The following DYNLT4 variants were observed in gnomAD, a reference collection of about 807,000 sequenced individuals.
The protein encoded by DYNLT4 is dynein light chain Tctex-type 4.
DYNLT4 carries 3 observed loss-of-function variants against 1.5 expected under a neutral mutation model. That is an observed-to-expected ratio of 1.97 (90% CI 0.90 to 5.08). The LOEUF is 5.08. Among genes scored for constraint, DYNLT4 ranks in the 30% most tolerant of loss-of-function variants. The pLI, the probability that DYNLT4 is intolerant of heterozygous loss-of-function variation, is 0.02. For missense variants in DYNLT4, 346 were observed against 341.0 expected (o/e 1.01, Z -0.12); for synonymous variants, 181 against 160.0 (o/e 1.13, Z -0.99).
At position 44,806,120 on chromosome 1, in the gene DYNLT4, G is replaced by T. The variant is rs1218992827; in HGVS notation, c.549C>A (p.Gly183=). Residue 183 remains glycine, a synonymous_variant, in exon 3 of 3, where the codon GGC becomes GGA. Coordinates refer to ENST00000339355, the MANE Select transcript of DYNLT4 (RefSeq NM_001377534.1). ...AGAGCGCACGGCTGACCACGTGAAC[G>T]CCCTGGCCCGCGCGCGGCCCCAGCA... ...SVVLGPRAGQ[G]VHVVSRALWD... 2 of 1,604,692 alleles carry T rather than the reference G, an allele frequency of 1.2e-6. No homozygotes were observed. The highest frequency in any genetic ancestry group is 1.7e-5 in the Admixed American group (1 of 58,782).
intron 1 of DYNLT4, 43 bp from the exon 2 acceptor site, chr1:44,806,881 G>C (rs935639193): frequency 2.2e-5 from 22 of 985,446 alleles, no homozygotes; most frequent in Non-Finnish European, 2.7e-5. Flanking sequence ...CAGGGGACAG[G>C]AGGCTGCTAG....
At chr1:44,807,298 C>G (rs1005634015) in intron 1 of DYNLT4, among the ~76,000 whole-genome samples, 27 bp downstream of exon 1, 1 of 152,236 alleles carries the variant, frequency 6.6e-6, no homozygotes, top group African/African-American at 2.4e-5. Context: ...GATGGCTGCC[C>G]TCTGCTCCCG....
In DYNLT4 at chr1:44,806,364, CG is replaced by C; in HGVS notation, c.304del (p.Arg102ValfsTer156). On this transcript the variant is annotated frameshift_variant, in exon 3 of 3. Coordinates refer to ENST00000339355, the MANE Select transcript of DYNLT4 (RefSeq NM_001377534.1). LOFTEE classifies it low-confidence loss of function (END_TRUNC). ...SFSGLPLAPA[R>X]WVAPSYRTEP... ...CGTGCGGTAGGAGGGCGCCACCCAA[CG>C]GGCGGGCGCCAGGGGCAACCCTGAG... 6.6e-7 allele frequency: 1 copy of C among 1,522,130 alleles called. No individual in the cohort carries two copies. The highest frequency in any genetic ancestry group is 8.8e-7 in the Non-Finnish European group (1 of 1,141,076). The allele number at this position is 1,522,130 out of a possible 1,614,324, so 94.3% of individuals were successfully genotyped here.
rs1652107559 is a variant in DYNLT4, at chr1:44,806,586, G to A, written c.83C>T (p.Pro28Leu). Reference sequence around the variant, plus strand: ...ATCAATGCTGGGCAGGCAGCCTCGGGGCCGCACCGGTGAGGGTTTCCGCCC... The same window carrying A: ...ATCAATGCTGGGCAGGCAGCCTCGGAGCCGCACCGGTGAGGGTTTCCGCCC... ...DSGRKPSPVR[P>L]RGCLPSIDEA... The change falls in exon 3 of 3, where the codon CCC (proline) becomes CTC (leucine). Residue 28 changes from proline (P) to leucine (L), a missense_variant. Pro to Leu is a moderately conservative substitution (Grantham distance 98). Coordinates refer to ENST00000339355, the MANE Select transcript of DYNLT4 (RefSeq NM_001377534.1). The A allele has an allele frequency of 1.1e-5, 16 of 1,491,056 alleles. No individual in the cohort carries two copies. Among genetic ancestry groups the A allele is most frequent in the Non-Finnish European group, 1.4e-5 (16 of 1,123,052 alleles). The allele number at this position is 1,491,056 out of a possible 1,614,324, so 92.4% of individuals were successfully genotyped here. A position where few individuals can be genotyped will look rare whatever the true frequency, so the allele number is the denominator to read the frequency against.
rs1162249626 is a variant in DYNLT4 at position 44,805,950 on chromosome 1, CA to C, written c.*52del. The C allele has an allele frequency of 2.0e-6, 3 of 1,507,610 alleles. No homozygotes were observed. Among genetic ancestry groups the C allele is most frequent in the Non-Finnish European group, 8.9e-7 (1 of 1,128,368 alleles). 93.4% of individuals were successfully genotyped at this position (1,507,610 alleles called of 1,614,324 possible). Reference sequence around the variant, plus strand: ...CACTTATTTATTGGGATGTGAGCCCCAGGGGGGCCTCCTCCTAGGATAATAA... The same window carrying C: ...CACTTATTTATTGGGATGTGAGCCCCGGGGGGCCTCCTCCTAGGATAATAA... On this transcript the variant is annotated 3_prime_UTR_variant, in exon 3 of 3. Transcript: ENST00000339355.
Position 44,806,404 on chromosome 1 carries a change from A to G in DYNLT4, c.265T>C (p.Ser89Pro), listed in dbSNP as rs1161779090. 2 of 1,524,514 alleles carry G rather than the reference A, an allele frequency of 1.3e-6. No individual in the cohort carries two copies. The highest frequency in any genetic ancestry group is 8.8e-7 in the Non-Finnish European group (1 of 1,141,946). The allele number at this position is 1,524,514 out of a possible 1,614,324, so 94.4% of individuals were successfully genotyped here. A position where few individuals can be genotyped will look rare whatever the true frequency, so the allele number is the denominator to read the frequency against. The change falls in exon 3 of 3, where the codon TCA becomes CCA. Residue 89 changes from serine (S) to proline (P), a missense_variant. By Grantham distance (74) the Ser-to-Pro change is moderately conservative (BLOSUM62 -1). Transcript: ENST00000339355. ...PSLGPVPPLG[S>P]RVSFSGLPLA... The stretch of plus-strand genomic sequence containing the variant: ...GGCAACCCTGAGAAGCTGACCCTTG[A>G]GCCCAGAGGGGGCACCGGGCCCAGG...
Position 44,806,645 on chromosome 1 carries a change from C to CG in DYNLT4, c.23dup (p.Arg10ThrfsTer27), listed in dbSNP as rs1652113270. ...TGGCATTCTCCTCCTCCTGGCGTCCCGGGGGCAGAGGCCTGCTGGCCATGG... is the reference window on the plus strand; with the variant it reads ...TGGCATTCTCCTCCTCCTGGCGTCCCGGGGGGCAGAGGCCTGCTGGCCATGG... On this transcript the variant is annotated frameshift_variant, in exon 3 of 3. Coordinates refer to ENST00000339355, the MANE Select transcript of DYNLT4 (RefSeq NM_001377534.1). LOFTEE classifies it low-confidence loss of function (END_TRUNC). 3 of 1,466,194 alleles carry CG rather than the reference C, an allele frequency of 2.0e-6. No individual in the cohort carries two copies. Among genetic ancestry groups the CG allele is most frequent in the South Asian group, 2.9e-5 (2 of 69,488 alleles). The allele number at this position is 1,466,194 out of a possible 1,614,324, so 90.8% of individuals were successfully genotyped here. A position where few individuals can be genotyped will look rare whatever the true frequency, so the allele number is the denominator to read the frequency against.
In DYNLT4 at chr1:44,806,442, C is replaced by A; in HGVS notation, c.227G>T (p.Gly76Val). Residue 76 changes from glycine to valine, a missense_variant, in exon 3 of 3, where the codon GGT (glycine) becomes GTT (valine). Physicochemically the swap from Gly to Val is moderately radical, Grantham distance 109. Transcript: ENST00000339355. ...CACCGGGCCCAGGGATGGCCGCTGA[C>A]CCCCAGGACCCGCGCCTGGCCCGAC... The part of the protein sequence containing the change: ...SLVGPGAGPG[G>V]QRPSLGPVPP... The A allele has an allele frequency of 2.0e-6, 3 of 1,523,736 alleles. No homozygotes were observed. Among genetic ancestry groups the A allele is most frequent in the South Asian group, 1.2e-5 (1 of 82,826 alleles). 94.4% of individuals were successfully genotyped at this position (1,523,736 alleles called of 1,614,324 possible). A position where few individuals can be genotyped will look rare whatever the true frequency, so the allele number is the denominator to read the frequency against.
chr1:44,806,225 C>T lies in DYNLT4; in HGVS notation c.444G>A (p.Leu148=), dbSNP rs1175941444. The T allele has an allele frequency of 6.5e-7, 1 of 1,534,754 alleles. No individual in the cohort carries two copies. Among genetic ancestry groups the T allele is most frequent in the East Asian group, 2.4e-5 (1 of 40,828 alleles). ...ACYSSDEAAR[L]VRELCEQVHV... ...GCACCTGCTCGCAGAGCTCCCGCAC[C>T]AGCCGCGCGGCCTCGTCGCTGGAGT... Residue 148 remains leucine, a synonymous_variant, in exon 3 of 3, where the codon CTG becomes CTA. Coordinates refer to ENST00000339355, the MANE Select transcript of DYNLT4 (RefSeq NM_001377534.1).
Position 44,806,171 on chromosome 1 carries a change from T to C in DYNLT4, c.498A>G (p.Pro166=). ...CCACACTGCATACCAGCTTGTAGCGTGGCGGGCTGAGCTCGCGCAGGCGAA... is the reference window on the plus strand; with the variant it reads ...CCACACTGCATACCAGCTTGTAGCGCGGCGGGCTGAGCTCGCGCAGGCGAA... ...VHVRLRELSP[P]RYKLVCSVVL... Residue 166 remains proline, a synonymous_variant, in exon 3 of 3, where the codon CCA becomes CCG. Transcript: ENST00000339355. 1 of 1,571,208 alleles carries C rather than the reference T, an allele frequency of 6.4e-7. No homozygotes were observed. Among genetic ancestry groups the C allele is most frequent in the Admixed American group, 1.9e-5 (1 of 53,524 alleles).
Position 44,806,261 on chromosome 1 carries a change from G to T in DYNLT4, c.408C>A (p.His136Gln). 6.6e-7 allele frequency: 1 copy of T among 1,510,092 alleles called. No homozygotes were observed. Among genetic ancestry groups the T allele is most frequent in the South Asian group, 1.2e-5 (1 of 81,102 alleles). The allele number at this position is 1,510,092 out of a possible 1,614,324, so 93.5% of individuals were successfully genotyped here. ...ALEAALAAGL[H>Q]DACYSSDEAA... Reference sequence around the variant, plus strand: ...CCTCGTCGCTGGAGTAGCACGCGTCGTGCAGCCCTGCGGCCAGCGCCGCCT... The same window carrying T: ...CCTCGTCGCTGGAGTAGCACGCGTCTTGCAGCCCTGCGGCCAGCGCCGCCT... Residue 136 changes from histidine to glutamine, a missense_variant, in exon 3 of 3, where the codon CAC (histidine) becomes CAA (glutamine). Transcript: ENST00000339355.
chr1:44,806,104 G>T lies in DYNLT4; in HGVS notation c.565C>A (p.Arg189Ser). Reference protein sequence around the residue: ...RAGQGVHVVSRALWDVARDGL... With the variant: ...RAGQGVHVVSSALWDVARDGL... ...TCGCGCGCCACGTCCCAGAGCGCACGGCTGACCACGTGAACGCCCTGGCCC... is the reference window on the plus strand; with the variant it reads ...TCGCGCGCCACGTCCCAGAGCGCACTGCTGACCACGTGAACGCCCTGGCCC... The change falls in exon 3 of 3, where the codon CGT (arginine) becomes AGT (serine). Residue 189 changes from arginine to serine, a missense_variant. Physicochemically the swap from Arg to Ser is moderately radical, Grantham distance 110 (BLOSUM62 -1). Transcript: ENST00000339355. The T allele has an allele frequency of 1.2e-6, 2 of 1,608,704 alleles. No homozygotes were observed. Among genetic ancestry groups the T allele is most frequent in the South Asian group, 1.1e-5 (1 of 90,520 alleles).
Position 44,807,318 on chromosome 1 carries a change from C to T in DYNLT4, c.-67+7G>A, listed in dbSNP as rs1652160939. ...CTGCCCTCTGCTCCCGAAACTCCCT[C>T]AGGCACCTGAGTCACCCGCAGGCTT... On this transcript the variant is annotated splice_region_variant and intron_variant, in intron 1 of 2. Coordinates refer to ENST00000339355, the MANE Select transcript of DYNLT4 (RefSeq NM_001377534.1). 6.6e-6 allele frequency among the ~76,000 whole-genome samples: 1 copy of T among 152,268 alleles called. No individual in the cohort carries two copies. Among genetic ancestry groups the T allele is most frequent in the Non-Finnish European group, 1.5e-5 (1 of 68,044 alleles).
Position 44,805,984 on chromosome 1 carries a change from T to C in DYNLT4, c.*19A>G. 1 of 1,522,552 alleles carries C rather than the reference T, an allele frequency of 6.6e-7. No individual in the cohort carries two copies. Among genetic ancestry groups the C allele is most frequent in the Non-Finnish European group, 8.8e-7 (1 of 1,134,084 alleles). 94.3% of individuals were successfully genotyped at this position (1,522,552 alleles called of 1,614,324 possible). ...CTCCTCCTAGGATAATAAACAATTT[T>C]GCAGAATTGGACTCCCCCTCACTCG... is the stretch of plus-strand genomic sequence containing the variant. On this transcript the variant is annotated 3_prime_UTR_variant, in exon 3 of 3. Coordinates refer to ENST00000339355, the MANE Select transcript of DYNLT4 (RefSeq NM_001377534.1).
chr1:44,806,727 C>T (rs1317033041), intron 2 of DYNLT4, 48 bp from the exon 3 acceptor site: 15 of 1,403,276 alleles, frequency 1.1e-5, no homozygotes, highest in South Asian at 4.8e-5. Flanking sequence ...TCTGTCTACC[C>T]ACCCCAGCCT....
At chr1:44,807,210 A>C in intron 1 of DYNLT4, 115 bp downstream of exon 1, 1 of 885,982 alleles carries the variant, frequency 1.1e-6, no homozygotes, top group Non-Finnish European at 1.4e-6. Context: ...GCCCAGGCTG[A>C]GGGCAGATGA....
At position 44,806,336 on chromosome 1, in the gene DYNLT4, C is replaced by T. The variant is rs1312283482; in HGVS notation, c.333G>A (p.Glu111=). The T allele has an allele frequency of 1.3e-6, 2 of 1,505,266 alleles. No homozygotes were observed. Among genetic ancestry groups the T allele is most frequent in the Non-Finnish European group, 1.8e-6 (2 of 1,133,688 alleles). The allele number at this position is 1,505,266 out of a possible 1,614,324, so 93.2% of individuals were successfully genotyped here. The stretch of plus-strand genomic sequence containing the variant: ...CCTCCCAGCGCTCCCCGGGCACTGG[C>T]TCCGTGCGGTAGGAGGGCGCCACCC... ...ARWVAPSYRT[E]PVPGERWEAA... The change falls in exon 3 of 3, where the codon GAG becomes GAA. Residue 111 remains glutamate (E), a synonymous_variant. Coordinates refer to ENST00000339355, the MANE Select transcript of DYNLT4 (RefSeq NM_001377534.1).
Position 44,806,188 on chromosome 1 carries a change from G to T in DYNLT4, c.481C>A (p.Arg161Ser), listed in dbSNP as rs770447442. Residue 161 changes from arginine (R) to serine (S), a missense_variant, in exon 3 of 3, where the codon CGC (arginine) becomes AGC (serine). Transcript: ENST00000339355. ...ELCEQVHVRL[R>S]ELSPPRYKLV... is the part of the protein sequence containing the mutation. Reference sequence around the variant, plus strand: ...TTGTAGCGTGGCGGGCTGAGCTCGCGCAGGCGAACGTGCACCTGCTCGCAG... The same window carrying T: ...TTGTAGCGTGGCGGGCTGAGCTCGCTCAGGCGAACGTGCACCTGCTCGCAG... 6.4e-7 allele frequency: 1 copy of T among 1,551,376 alleles called. No homozygotes were observed. Among genetic ancestry groups the T allele is most frequent in the South Asian group, 1.2e-5 (1 of 85,388 alleles).
Position 44,806,471 on chromosome 1 carries a change from C to A in DYNLT4, c.198G>T (p.Ser66=). The change falls in exon 3 of 3, where the codon TCG becomes TCT. Residue 66 remains serine, a synonymous_variant. Coordinates refer to ENST00000339355, the MANE Select transcript of DYNLT4 (RefSeq NM_001377534.1). ...GLAASFSRRN[S]LVGPGAGPGG... is the part of the protein sequence containing the mutation. The stretch of plus-strand genomic sequence containing the variant: ...CAGGACCCGCGCCTGGCCCGACCAG[C>A]GAGTTGCGGCGGGAGAAGGACGCGG... 6.6e-7 allele frequency: 1 copy of A among 1,522,388 alleles called. No individual in the cohort carries two copies. The allele number at this position is 1,522,388 out of a possible 1,614,324, so 94.3% of individuals were successfully genotyped here.
Sources: gnomAD v4.1 joint callset for allele counts (sites outside exome capture counted in the v4.1 genomes callset) on GRCh38, gnomAD v4.1.1 for gene constraint, MANE v1.5 for transcripts, NCBI Gene and HGNC (gene_info 2026-07-23, HGNC 2026-07-21) for gene names.